Variants in SLC4A4 observed in about 807,000 individuals in gnomAD.
SLC4A4 encodes the protein solute carrier family 4 member 4, also known as electrogenic sodium bicarbonate cotransporter 1.
In SLC4A4, 27 loss-of-function variants were observed where a neutral mutation model predicts 111.5. The observed-to-expected ratio is 0.24, with a 90% CI of 0.18 to 0.33. The LOEUF is 0.33. Ranked by LOEUF, SLC4A4 falls within the 10% of genes least tolerant of loss-of-function variation. The pLI, the probability that SLC4A4 is intolerant of heterozygous loss-of-function variation, is 1.00. For synonymous variants in SLC4A4, 443 were observed against 463.4 expected (o/e 0.96, Z 0.57); for missense variants, 909 against 1,315.5 (o/e 0.69, Z 4.78).
At chr4:71,069,234 A>G (rs1741607375) in intron 1 of SLC4A4, among the ~76,000 whole-genome samples, 1 of 152,238 alleles carries the variant, frequency 6.6e-6, no homozygotes, top group Non-Finnish European at 1.5e-5. Context: ...ATGAAAGGAA[A>G]AAGTCTGGCA....
At chr4:71,452,740 C>A (rs193158238) in intron 11 of SLC4A4, among the ~76,000 whole-genome samples, 3 of 152,136 alleles carry the variant, frequency 2.0e-5, no homozygotes, top group Non-Finnish European at 4.4e-5. Flanking sequence ...TGGGACTCAG[C>A]TGCATTTCCT....
At chr4:71,438,765 G>T (rs1014881455) in intron 7 of SLC4A4, among the ~76,000 whole-genome samples, 3 of 151,960 alleles carry the variant, frequency 2.0e-5, no homozygotes, top group African/African-American at 7.3e-5. Context: ...AAAAAGTGAG[G>T]ACTATGAAAA....
chr4:71,393,602 CA>C (rs1219429045), intron 6 of SLC4A4, among the ~76,000 whole-genome samples: 1 of 151,830 alleles, frequency 6.6e-6, no homozygotes, highest in Non-Finnish European at 1.5e-5. Context: ...AAGCAATCTA[CA>C]AATTTAACAC....
rs148519182 is a variant in SLC4A4 at position 71,204,686 on chromosome 4, A to G, written c.-2+17285A>G. On this transcript the variant is annotated intron_variant, in intron 1 of 25. Coordinates refer to ENST00000264485, the MANE Select transcript of SLC4A4 (RefSeq NM_001098484.3). ...GAGGGATAAAGATAACTTTAAGTGG[A>G]AAAAAAATCACATTTCAAAAACAAC... 5.3e-5 allele frequency among the ~76,000 whole-genome samples: 8 copies of G among 152,154 alleles called. No homozygotes were observed. The East Asian group carries it at 1.5e-3, about 29-fold the overall frequency.
At chr4:71,481,702 G>T (rs4416448) in intron 14 of SLC4A4, among the ~76,000 whole-genome samples, 81,952 of 151,546 alleles carry the variant, frequency 0.54, 25,329 homozygotes, top group Non-Finnish European at 0.71. Flanking sequence ...GAATAAATAG[G>T]CTAAGAAGGA....
upstream of SLC4A4, among the ~76,000 whole-genome samples, chr4:71,183,567 C>G (rs1745368269): frequency 6.6e-6 from 1 of 152,122 alleles, no homozygotes; most frequent in Non-Finnish European, 1.5e-5. Context: ...CTTTGGTGAC[C>G]TATTATCTAT....
chr4:71,200,896 CAT>C (rs981843028), intron 1 of SLC4A4, among the ~76,000 whole-genome samples: 4 of 151,984 alleles, frequency 2.6e-5, no homozygotes, highest in Non-Finnish European at 5.9e-5. Context: ...ATCCAGTAAT[CAT>C]GTGGCAAGTT....
intron 3 of SLC4A4, among the ~76,000 whole-genome samples, chr4:71,328,650 C>T (rs1727699246): frequency 6.6e-6 from 1 of 151,932 alleles, no homozygotes; most frequent in Non-Finnish European, 1.5e-5. Context: ...GATCTTTTGC[C>T]CATTTTAAAC....
At chr4:71,250,289 T>G (rs1378586317) in intron 2 of SLC4A4, among the ~76,000 whole-genome samples, 2 of 152,196 alleles carry the variant, frequency 1.3e-5, no homozygotes, top group Non-Finnish European at 2.9e-5. Flanking sequence ...GGAATATTGC[T>G]GATTAGTTCT....
chr4:71,193,451 G>A (rs1050667941), intron 1 of SLC4A4, among the ~76,000 whole-genome samples: 4 of 152,202 alleles, frequency 2.6e-5, no homozygotes, highest in East Asian at 1.9e-4. Context: ...GAGCCACCGC[G>A]CCCGGCCCAT....
intron 7 of SLC4A4, among the ~76,000 whole-genome samples, chr4:71,417,470 A>G (rs1315461184): frequency 6.6e-6 from 1 of 152,176 alleles, no homozygotes; most frequent in Non-Finnish European, 1.5e-5. Context: ...GCATGGAGCA[A>G]GTGACCTGTA....
intron 2 of SLC4A4, among the ~76,000 whole-genome samples, chr4:71,178,904 AAG>A (rs1223516950): frequency 9.9e-5 from 15 of 152,230 alleles, no homozygotes; most frequent in Non-Finnish European, 2.1e-4. Flanking sequence ...ACAACAAAAA[AAG>A]AGAATTTTAG....
intron 2 of SLC4A4, among the ~76,000 whole-genome samples, chr4:71,145,414 T>A (rs1376038805): frequency 4.6e-5 from 7 of 152,210 alleles, no homozygotes; most frequent in Non-Finnish European, 7.3e-5. Flanking sequence ...TTCTCTTTTT[T>A]TGTTGTGTCT....
intron 2 of SLC4A4, among the ~76,000 whole-genome samples, chr4:71,170,113 TC>T (rs1744896577): frequency 6.6e-6 from 1 of 152,238 alleles, no homozygotes; most frequent in Non-Finnish European, 1.5e-5. Context: ...CCTTAGGCCT[TC>T]CCTGTCCAGC....
At chr4:71,189,726 T>C (rs749984372) in intron 1 of SLC4A4, among the ~76,000 whole-genome samples, 20 of 152,228 alleles carry the variant, frequency 1.3e-4, no homozygotes, top group Non-Finnish European at 2.1e-4. Flanking sequence ...GGACTGCTAT[T>C]GTTAGAGGAG....
chr4:71,468,906 TG>T (rs1334519646), intron 13 of SLC4A4, among the ~76,000 whole-genome samples: 1 of 152,022 alleles, frequency 6.6e-6, no homozygotes, highest in Non-Finnish European at 1.5e-5. Context: ...ATTTTACCAC[TG>T]TTGAAGAATA....
chr4:71,466,688 A>T (rs903307330), intron 13 of SLC4A4, 111 bp downstream of exon 13: 1 of 1,138,044 alleles, frequency 8.8e-7, no homozygotes, highest in Admixed American at 1.9e-5. Flanking sequence ...CACTCAGAAT[A>T]CTGGAATGTT....
intron 2 of SLC4A4, among the ~76,000 whole-genome samples, chr4:71,096,883 C>G (rs1463760393): frequency 6.6e-6 from 1 of 152,164 alleles, no homozygotes; most frequent in South Asian, 2.1e-4. Flanking sequence ...ATCTTACTGT[C>G]TCTGCGAACA....
intron 1 of SLC4A4, among the ~76,000 whole-genome samples, chr4:71,089,187 G>A (rs1331834437): frequency 2.6e-5 from 4 of 152,004 alleles, no homozygotes; most frequent in South Asian, 2.1e-4. Context: ...CCAGGTGATC[G>A]ATCGGCTACT....
Sources: gnomAD v4.1 joint callset for allele counts (sites outside exome capture counted in the v4.1 genomes callset) on GRCh38, gnomAD v4.1.1 for gene constraint, MANE v1.5 for transcripts, NCBI Gene and HGNC (gene_info 2026-07-23, HGNC 2026-07-21) for gene names.